APPL1: variants seen among roughly 807,000 people sequenced by gnomAD.
APPL1 encodes the protein adaptor protein, phosphotyrosine interacting with PH domain and leucine zipper 1.
A neutral mutation model predicts 106.8 loss-of-function variants in APPL1; 42 were observed. The ratio of observed to expected loss-of-function variants is 0.39; its 90% CI spans 0.31 to 0.51. The LOEUF is 0.51. APPL1 is among the 20% of genes least tolerant of loss of function. The pLI, the probability that APPL1 is intolerant of heterozygous loss-of-function variation, is 0.75. For synonymous variants in APPL1, 263 were observed against 281.8 expected (o/e 0.93, Z 0.67); for missense variants, 769 against 858.2 (o/e 0.90, Z 1.30).
At chr3:57,265,449 C>G (rs1271341380) in intron 19 of APPL1, among the ~76,000 whole-genome samples, 2 of 152,194 alleles carry the variant, frequency 1.3e-5, no homozygotes, top group Non-Finnish European at 2.9e-5. Context: ...TGCGCCCAGC[C>G]TGTAGTTTTC....
chr3:57,233,757 A>G (rs1232379750), intron 1 of APPL1, among the ~76,000 whole-genome samples: 2 of 152,048 alleles, frequency 1.3e-5, no homozygotes, highest in African/African-American at 4.8e-5. Context: ...GAAAATAGGA[A>G]GCTAAGGAAT....
At chr3:57,248,400 T>C (rs1412938851) in intron 10 of APPL1, 49 bp downstream of exon 10, 20 of 1,549,862 alleles carry the variant, frequency 1.3e-5, no homozygotes, top group Non-Finnish European at 1.8e-5. Flanking sequence ...TGTAAGACAA[T>C]ACCAAATGAA....
chr3:57,253,622 C>T (rs1007650467), intron 12 of APPL1, 60 bp from the exon 13 acceptor site: 5 of 1,291,798 alleles, frequency 3.9e-6, no homozygotes, highest in Non-Finnish European at 5.1e-6. Flanking sequence ...TGAACATTTG[C>T]CTTTACAAGA....
intron 11 of APPL1, among the ~76,000 whole-genome samples, chr3:57,252,037 C>A (rs1335329828): frequency 6.6e-6 from 1 of 152,052 alleles, no homozygotes; most frequent in African/African-American, 2.4e-5. Flanking sequence ...AGCACCTGTT[C>A]CCTTTTTGGT....
At chr3:57,246,351 T>C in intron 8 of APPL1, 129 bp downstream of exon 8, 1 of 657,160 alleles carries the variant, frequency 1.5e-6, no homozygotes, top group Non-Finnish European at 2.2e-6. Flanking sequence ...TTTTAAGAAG[T>C]TATTTTTAAA....
chr3:57,235,723 G>T, intron 2 of APPL1, 59 bp downstream of exon 2: 2 of 1,235,586 alleles, frequency 1.6e-6, no homozygotes, highest in East Asian at 4.7e-5. Flanking sequence ...GCCTCATGAG[G>T]ACAGATAGTG....
In APPL1 at chr3:57,238,072, G is replaced by C; in HGVS notation, c.241G>C (p.Val81Leu). 1 of 1,612,128 alleles carries C rather than the reference G, an allele frequency of 6.2e-7. No homozygotes were observed. The highest frequency in any genetic ancestry group is 8.5e-7 in the Non-Finnish European group (1 of 1,179,270). ...TTTTCCATTGGGAGGTGATGATGAA[G>C]TTATGAGCTCTACATTGCAACAGTT... ...QRFPLGGDDEVMSSTLQQFSK... is the reference protein window; with the variant it reads ...QRFPLGGDDELMSSTLQQFSK... Residue 81 changes from valine (V) to leucine (L), a missense_variant, in exon 4 of 22, where the codon GTT becomes CTT. By Grantham distance (32) the Val-to-Leu change is conservative. Transcript: ENST00000288266.
At chr3:57,253,847 A>C in intron 13 of APPL1, 109 bp downstream of exon 13, 1 of 824,408 alleles carries the variant, frequency 1.2e-6, no homozygotes, top group Non-Finnish European at 1.6e-6. Flanking sequence ...TTTTAATTTG[A>C]CCTTGAATGA....
At chr3:57,263,142 C>T (rs568374878) in intron 19 of APPL1, among the ~76,000 whole-genome samples, 27 of 152,226 alleles carry the variant, frequency 1.8e-4, no homozygotes, top group Middle Eastern at 3.4e-3. Flanking sequence ...TGAGCCACCT[C>T]GCCCAGCCAG....
rs547247661 is a variant in APPL1 at position 57,257,375 on chromosome 3, T to C, written c.1377T>C (p.Ser459=). 1.3e-4 allele frequency: 213 copies of C among 1,614,022 alleles called. 3 individuals are homozygous for C. The South Asian group carries it at 2.3e-3, about 17-fold the overall frequency. The change falls in exon 15 of 22, where the codon TCT becomes TCC. Residue 459 remains serine, a synonymous_variant. Coordinates refer to ENST00000288266, the MANE Select transcript of APPL1 (RefSeq NM_012096.3). ...CCCCAATACAGTTTGACATAATTTC[T>C]CCTGTGTGTGAAGATCAGCCTGGCC... is the stretch of plus-strand genomic sequence containing the variant. ...PDTPIQFDII[S]PVCEDQPGQA...
chr3:57,247,514 A>C, intron 9 of APPL1, 37 bp downstream of exon 9: 1 of 1,282,264 alleles, frequency 7.8e-7, no homozygotes, highest in Non-Finnish European at 1.1e-6. Flanking sequence ...AAATGAAATG[A>C]TGTGAATGAT....
chr3:57,230,892 T>A (rs1375403582), intron 1 of APPL1: 2 of 307,290 alleles, frequency 6.5e-6, no homozygotes, highest in Non-Finnish European at 1.3e-5. Context: ...GCTAATTTTA[T>A]TTTATTTTAT....
Position 57,248,311 on chromosome 3 carries a change from C to T in APPL1, c.823C>T (p.Arg275Ter). Residue 275 changes from arginine to a stop codon, truncating the protein, a stop_gained, in exon 10 of 22, where the codon CGA becomes TGA. Transcript: ENST00000288266. LOFTEE classifies it high-confidence loss of function. ...DPDPTKFPVN[R>*]NLTRKAGYLN... ...AGACCCCACCAAATTTCCTGTTAAT[C>T]GAAATTTAACCCGAAAGGCTGGATA... is the stretch of plus-strand genomic sequence containing the variant. 2.5e-6 allele frequency: 4 copies of T among 1,613,988 alleles called. No individual in the cohort carries two copies. The highest frequency in any genetic ancestry group is 1.7e-5 in the Admixed American group (1 of 60,006).
rs34128429 is a variant in APPL1, at chr3:57,257,010, A to G, written c.1206A>G (p.Pro402=). The G allele has an allele frequency of 1.5e-3, 2,468 of 1,614,132 alleles. 27 individuals carry two copies. In the African/African-American group the frequency reaches 0.027, roughly 18 times the overall value. Reference sequence around the variant, plus strand: ...CTCTGGAAGCTGTCACTCCTTCCCCATCTTTCCAGCAGAGGCACGAGAGCC... The same window carrying G: ...CTCTGGAAGCTGTCACTCCTTCCCCGTCTTTCCAGCAGAGGCACGAGAGCC... ...QSALEAVTPS[P]SFQQRHESLR... The change falls in exon 14 of 22, where the codon CCA becomes CCG. Residue 402 remains proline, a synonymous_variant. Transcript: ENST00000288266.
At chr3:57,264,801 CTTT>C (rs201592600) in intron 19 of APPL1, among the ~76,000 whole-genome samples, 3 of 114,242 alleles carry the variant, frequency 2.6e-5, no homozygotes, top group Non-Finnish European at 5.7e-5. Flanking sequence ...GTCTATGTGT[CTTT>C]TTTTTTTTTT....
intron 9 of APPL1, 40 bp downstream of exon 9, chr3:57,247,517 T>C (rs1301701079): frequency 1.6e-6 from 2 of 1,268,466 alleles, no homozygotes; most frequent in Non-Finnish European, 2.3e-6. Context: ...TGAAATGATG[T>C]GAATGATAAC....
At position 57,269,679 on chromosome 3, in the gene APPL1, G is replaced by C. The variant is rs1229106286; in HGVS notation, c.2122G>C (p.Glu708Gln). 1 of 1,613,976 alleles carries C rather than the reference G, an allele frequency of 6.2e-7. No homozygotes were observed. Among genetic ancestry groups the C allele is most frequent in the Admixed American group, 1.7e-5 (1 of 60,018 alleles). ...AGAAGGAGGAAAGAAGAGAGAATCAGAAGCATAAGCTTATACTTTTGGTAG... is the reference window on the plus strand; with the variant it reads ...AGAAGGAGGAAAGAAGAGAGAATCACAAGCATAAGCTTATACTTTTGGTAG... Reference protein sequence around the residue: ...LGEGGKKRESEA With the variant: ...LGEGGKKRESQA The change falls in exon 22 of 22, where the codon GAA becomes CAA. Residue 708 changes from glutamate (E) to glutamine (Q), a missense_variant. Glu to Gln is a conservative substitution (Grantham distance 29). Transcript: ENST00000288266.
chr3:57,245,831 C>T (rs1444878559), intron 7 of APPL1, among the ~76,000 whole-genome samples: 1 of 152,182 alleles, frequency 6.6e-6, no homozygotes, highest in Non-Finnish European at 1.5e-5. Context: ...AGGCATGAGC[C>T]ACCACGCCTG....
At position 57,272,331 on chromosome 3, in the gene APPL1, A is replaced by G. The variant is rs2060947746; in HGVS notation, c.*2644A>G. 6.6e-6 allele frequency: 1 copy of G among 152,184 alleles called. No homozygotes were observed. Among genetic ancestry groups the G allele is most frequent in the Non-Finnish European group, 1.5e-5 (1 of 68,022 alleles). The allele number at this position is 152,184 out of a possible 1,614,324, so 9.4% of individuals were successfully genotyped here. A position where few individuals can be genotyped will look rare whatever the true frequency, so the allele number is the denominator to read the frequency against. ...TGAACAGAGTCCCTAAAGCTAGTCT[A>G]GTTTTTGCCACATCTGCAATGATTA... On this transcript the variant is annotated 3_prime_UTR_variant, in exon 22 of 22. Coordinates refer to ENST00000288266, the MANE Select transcript of APPL1 (RefSeq NM_012096.3).
Sources: gnomAD v4.1 joint callset for allele counts (sites outside exome capture counted in the v4.1 genomes callset) on GRCh38, gnomAD v4.1.1 for gene constraint, MANE v1.5 for transcripts, NCBI Gene and HGNC (gene_info 2026-07-23, HGNC 2026-07-21) for gene names.